The following SLC44A5 variants were observed in gnomAD, a reference collection of about 807,000 sequenced individuals.
SLC44A5 encodes the protein solute carrier family 44 member 5.
In SLC44A5, 57 loss-of-function variants were observed where a neutral mutation model predicts 101.8. That is an observed-to-expected ratio of 0.56 (90% CI 0.45 to 0.70). The LOEUF (loss-of-function observed/expected upper bound fraction) is 0.70, where lower values mean the gene tolerates loss of function less well. Among genes scored for constraint, SLC44A5 ranks in the 30% least tolerant of loss-of-function variants. The pLI is 0.00. For synonymous variants in SLC44A5, 281 were observed against 290.9 expected, an observed-to-expected ratio of 0.97 and a Z score of 0.35; for missense variants, 737 against 853.1, an observed-to-expected ratio of 0.86 and a Z score of 1.70.
chr1:75,520,789 T>C (rs1019160724), intron 2 of SLC44A5, among the ~76,000 whole-genome samples: 13 of 152,056 alleles, frequency 8.5e-5, no homozygotes, highest in Non-Finnish European at 1.5e-5. Context: ...TGTAAGAAAA[T>C]AGAGTACAGT....
intron 17 of SLC44A5, 76 bp from the exon 18 acceptor site, chr1:75,218,036 C>T: frequency 4.1e-6 from 4 of 979,082 alleles, no homozygotes; most frequent in Non-Finnish European, 6.3e-6. Context: ...ATAATTTTCA[C>T]AAGTAAAAGG....
At chr1:75,419,902 G>A (rs548326799) in intron 2 of SLC44A5, among the ~76,000 whole-genome samples, 11 of 152,066 alleles carry the variant, frequency 7.2e-5, no homozygotes, top group Non-Finnish European at 1.2e-4. Context: ...AGTTAAAGAC[G>A]TGTCTGCTGT....
At chr1:75,560,081 G>C (rs1373419908) in intron 1 of SLC44A5, among the ~76,000 whole-genome samples, 1 of 152,120 alleles carries the variant, frequency 6.6e-6, no homozygotes, top group Non-Finnish European at 1.5e-5. Context: ...CTCATACATT[G>C]CTGATGGGGA....
At chr1:75,594,605 T>C (rs1674533524) in intron 1 of SLC44A5, among the ~76,000 whole-genome samples, 1 of 152,088 alleles carries the variant, frequency 6.6e-6, no homozygotes, top group East Asian at 1.9e-4. Flanking sequence ...GATATGTAAA[T>C]TGATAATAAG....
Position 75,237,006 on chromosome 1 carries a change from T to C in SLC44A5, c.721A>G (p.Thr241Ala). 6.3e-7 allele frequency: 1 copy of C among 1,597,000 alleles called. No homozygotes were observed. The highest frequency in any genetic ancestry group is 8.6e-7 in the Non-Finnish European group (1 of 1,167,202). Reference protein sequence around the residue: ...GLKVFEDYARTWYWILIGLTI... With the variant: ...GLKVFEDYARAWYWILIGLTI... ...ACTTACATGAGAATCCAATACCAAGTTCTTGCATAGTCTTCAAACACTTTC... is the reference window on the plus strand; with the variant it reads ...ACTTACATGAGAATCCAATACCAAGCTCTTGCATAGTCTTCAAACACTTTC... The change falls in exon 11 of 24, where the codon ACT becomes GCT. Residue 241 changes from threonine to alanine, a missense_variant. Around this residue, in one of 3 missense-constraint regions of SLC44A5, gnomAD observed 665 missense variants for 764.4 expected, o/e 0.87. Coordinates refer to ENST00000370859, the MANE Select transcript of SLC44A5 (RefSeq NM_001130058.2).
the SLC44A5 span, among the ~76,000 whole-genome samples, chr1:75,723,394 C>A: frequency 7.1e-6 from 1 of 140,442 alleles, no homozygotes; most frequent in Non-Finnish European, 1.6e-5. Flanking sequence ...CCTGTGAAGT[C>A]GAGCTGCAGG....
At chr1:75,215,914 A>C in intron 18 of SLC44A5, 57 bp from the exon 19 acceptor site, 6 of 901,162 alleles carry the variant, frequency 6.7e-6, no homozygotes, top group Non-Finnish European at 1.1e-5. Flanking sequence ...CTTATCAGTC[A>C]AAATAAATAT....
chr1:75,573,267 C>T (rs61797266), intron 1 of SLC44A5, among the ~76,000 whole-genome samples: 5,949 of 151,664 alleles, frequency 0.039, 185 homozygotes, highest in Non-Finnish European at 0.064. Context: ...TCGCTTGAAC[C>T]CGGGAGGCAG....
intron 1 of SLC44A5, among the ~76,000 whole-genome samples, chr1:75,595,924 C>A (rs1002898381): frequency 6.6e-6 from 1 of 152,074 alleles, no homozygotes; most frequent in African/African-American, 2.4e-5. Flanking sequence ...AATTTAGCAT[C>A]ACATTCATTT....
chr1:75,214,798 T>C lies in SLC44A5; in HGVS notation c.1729-120A>G, dbSNP rs182370865. On this transcript the variant is annotated intron_variant, in intron 19 of 23. Transcript: ENST00000370859. The stretch of plus-strand genomic sequence containing the variant: ...CTGTCATTTGTAGAGCTATCTCCAC[T>C]CTTTTTTCTAATGTGTATTTGTGGG... 3.2e-4 allele frequency: 235 copies of C among 730,952 alleles called. 1 individual carries two copies. In the East Asian group the frequency reaches 6.2e-3, roughly 19 times the overall value. 45.3% of individuals were successfully genotyped at this position (730,952 alleles called of 1,614,324 possible).
chr1:75,425,293 T>C (rs1348057200), intron 2 of SLC44A5, among the ~76,000 whole-genome samples: 3 of 152,242 alleles, frequency 2.0e-5, no homozygotes, highest in Non-Finnish European at 4.4e-5. Flanking sequence ...AGGAACTTAA[T>C]TAAGCATTGG....
At chr1:75,683,997 ATAAAG>A in the SLC44A5 span, among the ~76,000 whole-genome samples, 2 of 152,188 alleles carry the variant, frequency 1.3e-5, no homozygotes, top group Non-Finnish European at 2.9e-5. Flanking sequence ...TGGGAAATTT[ATAAAG>A]GAAAGAGGTT....
intron 2 of SLC44A5, among the ~76,000 whole-genome samples, chr1:75,452,162 C>CA (rs775914480): frequency 4.1e-4 from 63 of 152,070 alleles, no homozygotes; most frequent in Non-Finnish European, 6.9e-4. Flanking sequence ...AAGGTCAGAT[C>CA]ACATACAAAG....
chr1:75,480,596 T>G (rs979899248), intron 2 of SLC44A5, among the ~76,000 whole-genome samples: 1 of 152,156 alleles, frequency 6.6e-6, no homozygotes, highest in Admixed American at 6.5e-5. Flanking sequence ...ACAAGCATTC[T>G]TATACACCAA....
chr1:75,374,579 C>T (rs1156581881), intron 3 of SLC44A5, among the ~76,000 whole-genome samples: 2 of 152,152 alleles, frequency 1.3e-5, no homozygotes, highest in Non-Finnish European at 2.9e-5. Context: ...CTCCCCAGGG[C>T]ACCGCTGCAC....
At chr1:75,362,943 T>G (rs1418393621) in intron 3 of SLC44A5, among the ~76,000 whole-genome samples, 1 of 152,140 alleles carries the variant, frequency 6.6e-6, no homozygotes, top group African/African-American at 2.4e-5. Flanking sequence ...ATAATATTAT[T>G]GTATTGCAGT....
At chr1:75,397,336 T>C (rs371793030) in intron 2 of SLC44A5, among the ~76,000 whole-genome samples, 41 of 152,260 alleles carry the variant, frequency 2.7e-4, no homozygotes, top group African/African-American at 9.9e-4. Context: ...TCTGGTGCTT[T>C]ATCAGACTTG....
intron 3 of SLC44A5, among the ~76,000 whole-genome samples, chr1:75,371,134 C>G (rs779308354): frequency 2.0e-5 from 3 of 152,236 alleles, no homozygotes; most frequent in African/African-American, 4.8e-5. Context: ...ATCTCTCCAT[C>G]TCTTTACGTG....
the SLC44A5 span, among the ~76,000 whole-genome samples, chr1:75,616,200 C>T: frequency 1.6e-4 from 25 of 151,636 alleles, no homozygotes; most frequent in African/African-American, 6.1e-4. Flanking sequence ...GTCCCCTGAG[C>T]GCCCGCCCAG....
Sources: allele counts gnomAD v4.1 joint callset (sites outside exome capture counted in the v4.1 genomes callset), GRCh38; gene constraint gnomAD v4.1.1; regional missense constraint gnomAD v4.1.1; transcripts MANE v1.5; gene names NCBI Gene and HGNC (gene_info 2026-07-23, HGNC 2026-07-21).